Variants in VGLL1 observed in about 807,000 individuals in gnomAD.
VGLL1 encodes the protein vestigial like family member 1.
In VGLL1, 4 loss-of-function variants were observed where a neutral mutation model predicts 12.0. The ratio of observed to expected loss-of-function variants is 0.33; its 90% CI spans 0.16 to 0.76. The LOEUF (loss-of-function observed/expected upper bound fraction) is 0.76, where lower values mean the gene tolerates loss of function less well. Ranked by LOEUF, VGLL1 falls within the 30% of genes least tolerant of loss-of-function variation. The pLI, the probability that VGLL1 is intolerant of heterozygous loss-of-function variation, is 0.60. For missense variants in VGLL1, 204 were observed against 208.7 expected (o/e 0.98, Z 0.14); for synonymous variants, 87 against 81.2 (o/e 1.07, Z -0.39).
intron 2 of VGLL1, among the ~76,000 whole-genome samples, chrX:136,541,965 C>T (rs932214782): frequency 9.0e-6 from 1 of 111,678 alleles, no homozygotes; most frequent in Non-Finnish European, 1.9e-5. Context: ...ACTAGAGAAG[C>T]TTCAGTAACT....
intron 2 of VGLL1, among the ~76,000 whole-genome samples, chrX:136,545,840 T>C (rs1202782391): frequency 9.0e-6 from 1 of 110,645 alleles, no homozygotes; most frequent in Non-Finnish European, 1.9e-5. Flanking sequence ...TGGGTATGCA[T>C]GGAAAGCAGG....
Position 136,547,630 on chromosome X carries a change from A to T in VGLL1, c.215-959A>T, listed in dbSNP as rs1193751735. Among the ~76,000 whole-genome samples, 17 of 111,775 alleles carry T rather than the reference A, an allele frequency of 1.5e-4. No homozygotes were observed. The Admixed American group carries it at 1.6e-3, about 11-fold the overall frequency. On this transcript the variant is annotated intron_variant, in intron 2 of 4. Transcript: ENST00000370634. ...TGGAAAATGTGGTTTTAGCTCCTAG[A>T]GTTGTGTGAGTGACCAGCACAGGTA...
chrX:136,547,487 G>A (rs1479299792), intron 2 of VGLL1, among the ~76,000 whole-genome samples: 1 of 111,774 alleles, frequency 8.9e-6, no homozygotes, highest in African/African-American at 3.3e-5. Flanking sequence ...TGCAAAATGG[G>A]GTCCAAGCAA....
intron 4 of VGLL1, among the ~76,000 whole-genome samples, chrX:136,552,907 A>G (rs772243054): frequency 6.3e-5 from 7 of 111,938 alleles, no homozygotes; most frequent in Non-Finnish European, 9.4e-5. Flanking sequence ...GCACTATCCT[A>G]AAATAAAGGA....
chrX:136,535,834 G>A (rs1440946933), intron 1 of VGLL1, among the ~76,000 whole-genome samples, 162 bp from the exon 2 acceptor site: 1 of 111,387 alleles, frequency 9.0e-6, no homozygotes, highest in Non-Finnish European at 1.9e-5. Context: ...CTTCTCAACA[G>A]CATCGTCATT....
chrX:136,549,072 G>A (rs924540665), intron 3 of VGLL1, 64 bp downstream of exon 3: 1 of 1,100,074 alleles, frequency 9.1e-7, no homozygotes, highest in Non-Finnish European at 1.2e-6. Flanking sequence ...AGAGTGAGTT[G>A]GCATGAGATG....
intron 2 of VGLL1, among the ~76,000 whole-genome samples, chrX:136,548,216 G>C (rs1246286723): frequency 9.0e-6 from 1 of 111,653 alleles, no homozygotes; most frequent in Non-Finnish European, 1.9e-5. Flanking sequence ...GGCCAGGCTG[G>C]TCTCGAACTC....
chrX:136,551,095 C>CT lies in VGLL1; in HGVS notation c.688+284dup, dbSNP rs371773957. ...AGTTTCTTTTTTCTTTTCTTTCTTT[C>CT]TTTTTTTTTTAACCTGAGTTTGACT... On this transcript the variant is annotated intron_variant, in intron 4 of 4. Coordinates refer to ENST00000370634, the MANE Select transcript of VGLL1 (RefSeq NM_016267.4). The CT allele has an allele frequency of 9.0e-3, 2,271 of 252,508 alleles. 27 individuals are homozygous for CT. Among genetic ancestry groups the CT allele is most frequent in the African/African-American group, 0.044 (1,468 of 33,137 alleles). 20.8% of individuals were successfully genotyped at this position (252,508 alleles called of 1,213,427 possible).
In VGLL1 at chrX:136,550,788, C is replaced by T. The variant is rs2075883504; in HGVS notation, c.655C>T (p.Arg219Cys). The change falls in exon 4 of 5, where the codon CGT (arginine) becomes TGT (cysteine). Residue 219 changes from arginine (R) to cysteine (C), a missense_variant. Coordinates refer to ENST00000370634, the MANE Select transcript of VGLL1 (RefSeq NM_016267.4). ...SVHYKKLYVS[R>C]GSASTSLPNE... ...TCTAGATAAGAAACTATATGTATCT[C>T]GTGGATCTGCCAGTACCAGCCTTCC... 8.3e-7 allele frequency: 1 copy of T among 1,208,642 alleles called. No individual in the cohort carries two copies. The highest frequency in any genetic ancestry group is 3.0e-5 in the East Asian group (1 of 33,775).
At chrX:136,556,405 A>G (rs377351059) in intron 4 of VGLL1, 46 bp from the exon 5 acceptor site, 81 of 1,106,637 alleles carry the variant, frequency 7.3e-5, no homozygotes, top group South Asian at 4.1e-4. Flanking sequence ...ACAGCCTTCC[A>G]TAGGGGCCTA....
chrX:136,548,358 T>A (rs2075875185), intron 2 of VGLL1, among the ~76,000 whole-genome samples: 1 of 111,630 alleles, frequency 9.0e-6, no homozygotes, highest in South Asian at 3.8e-4. Flanking sequence ...ATGGCTTGAA[T>A]AACAATATAT....
At position 136,536,179 on chromosome X, in the gene VGLL1, G is replaced by A; in HGVS notation, c.159G>A (p.Lys53=). ...TCTCCAGAGCTCTGAGCAATATCAA[G>A]AGCCCCCAGGAATTGACCCCCTCGA... The part of the protein sequence containing the change: ...EHFSRALSNI[K]SPQELTPSSQ... Residue 53 remains lysine, a synonymous_variant, in exon 2 of 5, where the codon AAG becomes AAA. Coordinates refer to ENST00000370634, the MANE Select transcript of VGLL1 (RefSeq NM_016267.4). 8.3e-7 allele frequency: 1 copy of A among 1,211,245 alleles called. No homozygotes were observed. The highest frequency in any genetic ancestry group is 1.1e-6 in the Non-Finnish European group (1 of 895,443).
chrX:136,548,671 C>T lies in VGLL1; in HGVS notation c.297C>T (p.Ala99=), dbSNP rs1286895612. The T allele has an allele frequency of 1.8e-5, 22 of 1,212,031 alleles. No individual in the cohort carries two copies. Among genetic ancestry groups the T allele is most frequent in the East Asian group, 5.9e-5 (2 of 33,855 alleles). ...CAGAAGTACCTGTCACAAACCGTGC[C>T]GCCAACTGCAACTTGCATGTGCCTG... The part of the protein sequence containing the change: ...PQPEVPVTNR[A]ANCNLHVPGP... The change falls in exon 3 of 5, where the codon GCC becomes GCT. Residue 99 remains alanine (A), a synonymous_variant. Coordinates refer to ENST00000370634, the MANE Select transcript of VGLL1 (RefSeq NM_016267.4).
intron 2 of VGLL1, among the ~76,000 whole-genome samples, chrX:136,542,284 C>T (rs757915784): frequency 1.8e-5 from 2 of 111,367 alleles, no homozygotes; most frequent in Non-Finnish European, 3.8e-5. Flanking sequence ...TAAATACTGA[C>T]AGTTTCCTGT....
At chrX:136,543,574 T>C (rs1014983210) in intron 2 of VGLL1, among the ~76,000 whole-genome samples, 1 of 110,717 alleles carries the variant, frequency 9.0e-6, no homozygotes, top group African/African-American at 3.3e-5. Flanking sequence ...CTGGGCAACA[T>C]AGAGAGACCC....
At chrX:136,556,325 C>T in intron 4 of VGLL1, 126 bp from the exon 5 acceptor site, 2 of 460,169 alleles carry the variant, frequency 4.3e-6, no homozygotes, top group South Asian at 4.1e-5. Context: ...TCTGTCTTCC[C>T]TTCCTCTGAG....
intron 2 of VGLL1, among the ~76,000 whole-genome samples, chrX:136,542,854 T>C (rs1303771461): frequency 9.0e-6 from 1 of 111,694 alleles, no homozygotes; most frequent in Non-Finnish European, 1.9e-5. Context: ...ATAAGGACTA[T>C]CGCTAATAAT....
chrX:136,537,722 G>C (rs926035571), intron 2 of VGLL1, among the ~76,000 whole-genome samples: 1 of 108,648 alleles, frequency 9.2e-6, no homozygotes, highest in African/African-American at 3.5e-5. Context: ...ACCACACCCA[G>C]CTAATTTAAT....
intron 2 of VGLL1, among the ~76,000 whole-genome samples, chrX:136,546,468 G>A (rs2075869946): frequency 8.9e-6 from 1 of 112,266 alleles, no homozygotes; most frequent in Non-Finnish European, 1.9e-5. Flanking sequence ...GACACCCTGT[G>A]CGTGCCCATA....
Sources: gnomAD v4.1 joint callset for allele counts (sites outside exome capture counted in the v4.1 genomes callset) on GRCh38, gnomAD v4.1.1 for gene constraint, MANE v1.5 for transcripts, NCBI Gene and HGNC (gene_info 2026-07-23, HGNC 2026-07-21) for gene names.